Variants in KCTD20 observed in about 807,000 individuals in gnomAD.
KCTD20 encodes the protein BTB/POZ domain-containing protein KCTD20.
In KCTD20, 30 loss-of-function variants were observed where a neutral mutation model predicts 39.6. The observed-to-expected ratio is 0.76, with a 90% CI of 0.57 to 1.03. KCTD20 has a LOEUF of 1.03. Among genes scored for constraint, KCTD20 ranks in the 50% least tolerant of loss-of-function variants. The pLI is 0.00. For missense variants in KCTD20, 422 were observed against 522.0 expected (o/e 0.81, Z 1.87); for synonymous variants, 162 against 180.6 (o/e 0.90, Z 0.83).
intron 1 of KCTD20, among the ~76,000 whole-genome samples, chr6:36,462,542 C>T (rs1775630741): frequency 6.6e-6 from 1 of 152,202 alleles, no homozygotes; most frequent in South Asian, 2.1e-4. Flanking sequence ...GAATAAGAAT[C>T]TCTGGGGAAT....
rs751382974 is a variant in KCTD20, at chr6:36,470,048, C to T, written c.-46-4C>T. The T allele has an allele frequency of 2.5e-5, 37 of 1,468,190 alleles. No homozygotes were observed. Among genetic ancestry groups the T allele is most frequent in the Non-Finnish European group, 3.3e-5 (36 of 1,089,656 alleles). The allele number at this position is 1,468,190 out of a possible 1,614,324, so 90.9% of individuals were successfully genotyped here. A position where few individuals can be genotyped will look rare whatever the true frequency, so the allele number is the denominator to read the frequency against. ...TCTAAATCATGCATATTCCTGTGTTCCAGGATTTCTCTCTGATCAAACGGA... is the reference window on the plus strand; with the variant it reads ...TCTAAATCATGCATATTCCTGTGTTTCAGGATTTCTCTCTGATCAAACGGA... On this transcript the variant is annotated splice_polypyrimidine_tract_variant and splice_region_variant and intron_variant, in intron 1 of 7. Coordinates refer to ENST00000373731, the MANE Select transcript of KCTD20 (RefSeq NM_173562.5).
intron 1 of KCTD20, among the ~76,000 whole-genome samples, chr6:36,445,506 T>G (rs1247101396): frequency 6.6e-6 from 1 of 152,178 alleles, no homozygotes; most frequent in East Asian, 1.9e-4. Flanking sequence ...GCTTCCTGAT[T>G]GTTGTGTCTT....
chr6:36,446,963 T>C (rs1413153795), intron 1 of KCTD20, among the ~76,000 whole-genome samples: 1 of 152,218 alleles, frequency 6.6e-6, no homozygotes, highest in African/African-American at 2.4e-5. Context: ...ATTCTATAGA[T>C]AAAGACTCTA....
At chr6:36,454,542 A>G (rs138317546) in intron 1 of KCTD20, among the ~76,000 whole-genome samples, 8 of 151,934 alleles carry the variant, frequency 5.3e-5, no homozygotes, top group African/African-American at 1.9e-4. Context: ...GGGTTTCACC[A>G]TATTGGTCAG....
intron 1 of KCTD20, among the ~76,000 whole-genome samples, chr6:36,449,105 A>G (rs1324251491): frequency 1.3e-5 from 2 of 152,198 alleles, no homozygotes; most frequent in East Asian, 1.9e-4. Flanking sequence ...AAGCTTCCAC[A>G]GTGTGGAAGG....
intron 1 of KCTD20, chr6:36,452,792 T>G (rs1463652853): frequency 1.3e-5 from 2 of 151,902 alleles, no homozygotes; most frequent in African/African-American, 4.8e-5. Flanking sequence ...CGCGTCAGTC[T>G]CCCGAAGTGC....
At position 36,487,922 on chromosome 6, in the gene KCTD20, C is replaced by T. The variant is rs1335771700; in HGVS notation, c.*747C>T. 7 of 152,288 alleles carry T rather than the reference C, an allele frequency of 4.6e-5. No individual in the cohort carries two copies. The East Asian group carries it at 1.3e-3, about 29-fold the overall frequency. The allele number at this position is 152,288 out of a possible 1,614,324, so 9.4% of individuals were successfully genotyped here. A position where few individuals can be genotyped will look rare whatever the true frequency, so the allele number is the denominator to read the frequency against. ...AAACTCACAATGCAAGTAGAAGGAC[C>T]TCTCCAAATCAGGCCAGTTGGGTTA... On this transcript the variant is annotated 3_prime_UTR_variant, in exon 8 of 8. Coordinates refer to ENST00000373731, the MANE Select transcript of KCTD20 (RefSeq NM_173562.5).
At position 36,486,921 on chromosome 6, in the gene KCTD20, G is replaced by A; in HGVS notation, c.1006G>A (p.Gly336Ser). 7 of 1,613,824 alleles carry A rather than the reference G, an allele frequency of 4.3e-6. No homozygotes were observed. Among genetic ancestry groups the A allele is most frequent in the Middle Eastern group, 1.7e-4 (1 of 6,058 alleles). ...TCKEKIKRRP[G>S]GRSEVIYNYV... ...TAAAGAAAAAATTAAGAGAAGGCCT[G>A]GCGGCCGGTCTGAAGTCATCTATAA... The change falls in exon 8 of 8, where the codon GGC (glycine) becomes AGC (serine). Residue 336 changes from glycine to serine, a missense_variant. Physicochemically the swap from Gly to Ser is moderately conservative, Grantham distance 56. Coordinates refer to ENST00000373731, the MANE Select transcript of KCTD20 (RefSeq NM_173562.5).
chr6:36,462,541 T>C (rs1052508276), intron 1 of KCTD20, among the ~76,000 whole-genome samples: 1 of 152,212 alleles, frequency 6.6e-6, no homozygotes, highest in African/African-American at 2.4e-5. Context: ...TGAATAAGAA[T>C]CTCTGGGGAA....
At chr6:36,479,084 A>G (rs1398369282) in intron 3 of KCTD20, 37 bp from the exon 4 acceptor site, 1 of 1,307,206 alleles carries the variant, frequency 7.6e-7, no homozygotes, top group South Asian at 1.2e-5. Flanking sequence ...AAGAATCATG[A>G]TGGAGAAGAT....
intron 5 of KCTD20, among the ~76,000 whole-genome samples, chr6:36,480,784 C>T (rs1282397783): frequency 6.6e-6 from 1 of 152,206 alleles, no homozygotes; most frequent in Non-Finnish European, 1.5e-5. Context: ...AACTCCTGAC[C>T]TCAAGTGATC....
intron 3 of KCTD20, among the ~76,000 whole-genome samples, chr6:36,477,670 A>G (rs981251561): frequency 2.0e-5 from 3 of 150,060 alleles, no homozygotes; most frequent in Non-Finnish European, 4.4e-5. Flanking sequence ...TTTTTTTAGT[A>G]GAGACAGGGT....
chr6:36,467,319 T>C (rs1040332251), intron 1 of KCTD20, among the ~76,000 whole-genome samples: 1,861 of 4,580 alleles, frequency 0.41, 28 homozygotes, highest in Non-Finnish European at 0.5. Context: ...TCCTTCAGGA[T>C]TTTTTTTTTT....
intron 1 of KCTD20, among the ~76,000 whole-genome samples, chr6:36,455,794 G>A (rs1012088307): frequency 3.9e-5 from 6 of 152,206 alleles, no homozygotes; most frequent in African/African-American, 9.7e-5. Flanking sequence ...CTTCCTCAGA[G>A]AAGTTTGTGT....
chr6:36,482,786 A>G (rs1237880927), intron 6 of KCTD20, among the ~76,000 whole-genome samples: 1 of 151,728 alleles, frequency 6.6e-6, no homozygotes, highest in African/African-American at 2.4e-5. Context: ...TCTCTATTAA[A>G]AATACAAAAA....
chr6:36,469,982 C>A lies in KCTD20; in HGVS notation c.-46-70C>A. 1 of 929,984 alleles carries A rather than the reference C, an allele frequency of 1.1e-6. No homozygotes were observed. Among genetic ancestry groups the A allele is most frequent in the Non-Finnish European group, 1.5e-6 (1 of 654,898 alleles). The allele number at this position is 929,984 out of a possible 1,614,324, so 57.6% of individuals were successfully genotyped here. ...GCTAGCTGTCAGTTTTCTAGTTTTG[C>A]TTTCATACCATGGAATTCCTTAGAA... On this transcript the variant is annotated intron_variant, in intron 1 of 7. Transcript: ENST00000373731. The surrounding 1 kb of genome is among the most constrained non-coding windows in gnomAD (Gnocchi z 4.6).
chr6:36,470,557 AT>A (rs1432777655), intron 2 of KCTD20, among the ~76,000 whole-genome samples: 3 of 152,126 alleles, frequency 2.0e-5, no homozygotes, highest in Non-Finnish European at 4.4e-5. Flanking sequence ...CATGGATGAG[AT>A]CCTCAGTCTT....
Position 36,474,966 on chromosome 6 carries a change from C to T in KCTD20, c.338C>T (p.Ser113Phe). The change falls in exon 3 of 8, where the codon TCC becomes TTC. Residue 113 changes from serine (S) to phenylalanine (F), a missense_variant. Physicochemically the swap from Ser to Phe is radical, Grantham distance 155 (BLOSUM62 -2). Coordinates refer to ENST00000373731, the MANE Select transcript of KCTD20 (RefSeq NM_173562.5). Reference protein sequence around the residue: ...SSVGFGSNSHSQAPEKVTLLV... With the variant: ...SSVGFGSNSHFQAPEKVTLLV... ...GTGGGCTTTGGCAGTAATTCCCATT[C>T]CCAAGCACCAGAGAAAGTGACGCTT... is the stretch of plus-strand genomic sequence containing the variant. 1 of 1,614,078 alleles carries T rather than the reference C, an allele frequency of 6.2e-7. No individual in the cohort carries two copies. Among genetic ancestry groups the T allele is most frequent in the Non-Finnish European group, 8.5e-7 (1 of 1,180,014 alleles).
rs1775818990 is a variant in KCTD20, at chr6:36,468,264, AT to A, written c.-46-1784del. On this transcript the variant is annotated intron_variant, in intron 1 of 7. Transcript: ENST00000373731. Reference sequence around the variant, plus strand: ...AGTTCACCATATACAAATTAAACTGATTTTGGAGCCCTGGTTTTATAAACTA... The same window carrying A: ...AGTTCACCATATACAAATTAAACTGATTTGGAGCCCTGGTTTTATAAACTA... 2.6e-5 allele frequency among the ~76,000 whole-genome samples: 4 copies of A among 152,318 alleles called. No homozygotes were observed. In the South Asian group the frequency reaches 8.3e-4, roughly 32 times the overall value.
Sources: gnomAD v4.1 joint callset for allele counts (sites outside exome capture counted in the v4.1 genomes callset) on GRCh38, gnomAD v4.1.1 for gene constraint, Gnocchi (gnomAD v3.1) non-coding constraint, MANE v1.5 for transcripts, NCBI Gene and HGNC (gene_info 2026-07-23, HGNC 2026-07-21) for gene names.